Variants in CELF4 observed in about 807,000 individuals in gnomAD.
CELF4 encodes CUG-BP- and ETR-3-like factor 4.
In CELF4, 18 loss-of-function variants were observed where a neutral mutation model predicts 59.9. The observed-to-expected ratio is 0.30, with a 90% CI of 0.21 to 0.45. The LOEUF (loss-of-function observed/expected upper bound fraction) is 0.45. CELF4 is among the 20% of genes least tolerant of loss of function. CELF4 has a pLI of 1.00. For synonymous variants in CELF4, 261 were observed against 267.1 expected (o/e 0.98, Z 0.22); for missense variants, 456 against 689.0 (o/e 0.66, Z 3.79).
rs550813868 is a variant in CELF4 at position 37,445,383 on chromosome 18, A to G, written c.369+40142T>C. ...GGTGTTTCGGTAGGCTGAGTCCCTG[A>G]GTTGGGTTTGGGGTCTGCTGCTGAG... On this transcript the variant is annotated intron_variant, in intron 2 of 12. Transcript: ENST00000420428. 1.9e-4 allele frequency among the ~76,000 whole-genome samples: 28 copies of G among 151,238 alleles called. No homozygotes were observed. In the South Asian group the frequency reaches 5.7e-3, roughly 31 times the overall value.
intron 1 of CELF4, among the ~76,000 whole-genome samples, chr18:37,507,485 C>T (rs1217208435): frequency 6.6e-6 from 1 of 152,192 alleles, no homozygotes; most frequent in African/African-American, 2.4e-5. Context: ...GTCCTAAGGC[C>T]AGGTTCTGGT....
intron 2 of CELF4, among the ~76,000 whole-genome samples, chr18:37,404,969 A>G (rs1267736248): frequency 6.6e-6 from 1 of 152,092 alleles, no homozygotes; most frequent in African/African-American, 2.4e-5. Context: ...CCAAACAAAC[A>G]TTCCTTGTAA....
At chr18:37,537,655 T>G (rs2099974599) in intron 1 of CELF4, among the ~76,000 whole-genome samples, 1 of 152,232 alleles carries the variant, frequency 6.6e-6, no homozygotes, top group East Asian at 1.9e-4. Context: ...TGCTTCGCTG[T>G]AGGGGTTCAG....
At chr18:37,489,392 G>T (rs1395340597) in intron 1 of CELF4, among the ~76,000 whole-genome samples, 1 of 152,194 alleles carries the variant, frequency 6.6e-6, no homozygotes. Context: ...GCTGTGGATG[G>T]TGAGAGGCCT....
At chr18:37,523,297 G>T (rs2099959706) in intron 1 of CELF4, among the ~76,000 whole-genome samples, 1 of 152,186 alleles carries the variant, frequency 6.6e-6, no homozygotes. Context: ...TGCTCCCCCA[G>T]GTCTCTCTTG....
At chr18:37,491,367 A>G (rs1258837357) in intron 1 of CELF4, among the ~76,000 whole-genome samples, 1 of 152,218 alleles carries the variant, frequency 6.6e-6, no homozygotes, top group Non-Finnish European at 1.5e-5. Context: ...TGGCCGGCAC[A>G]CATGTTTCCT....
At chr18:37,406,384 C>T (rs903242406) in intron 2 of CELF4, among the ~76,000 whole-genome samples, 2 of 152,146 alleles carry the variant, frequency 1.3e-5, no homozygotes, top group African/African-American at 4.8e-5. Context: ...AAAAACATGC[C>T]TTCTACGGGA....
At chr18:37,511,574 A>G (rs935865816) in intron 1 of CELF4, among the ~76,000 whole-genome samples, 3 of 151,696 alleles carry the variant, frequency 2.0e-5, no homozygotes, top group Non-Finnish European at 2.9e-5. Flanking sequence ...TCACACTGCC[A>G]TTGACTACCC....
chr18:37,394,427 C>A (rs1268579734), intron 2 of CELF4, among the ~76,000 whole-genome samples: 1 of 152,190 alleles, frequency 6.6e-6, no homozygotes, highest in African/African-American at 2.4e-5. Flanking sequence ...CTTGGTCCAG[C>A]AGCCGGGCCT....
intron 2 of CELF4, among the ~76,000 whole-genome samples, chr18:37,377,619 G>A (rs941375495): frequency 1.3e-5 from 2 of 152,214 alleles, no homozygotes; most frequent in Admixed American, 6.5e-5. Context: ...AAATGAATGC[G>A]CACAGATCTG....
intron 2 of CELF4, among the ~76,000 whole-genome samples, chr18:37,411,750 G>C (rs1396835831): frequency 6.6e-6 from 1 of 152,228 alleles, no homozygotes; most frequent in Non-Finnish European, 1.5e-5. Context: ...TTATCGAGAA[G>C]GGCAGTGGCA....
rs1282969081 is a variant in CELF4 at position 37,245,570 on chromosome 18, T to C, written c.*45-373A>G. Among the ~76,000 whole-genome samples, 1 of 151,984 alleles carries C rather than the reference T, an allele frequency of 6.6e-6. No homozygotes were observed. Among genetic ancestry groups the C allele is most frequent in the Non-Finnish European group, 1.5e-5 (1 of 68,016 alleles). ...TTGTCTCTGAGGGATCTAGCCCAGA[T>C]ACAATATGTATACAGAAGCCTAGCA... On this transcript the variant is annotated intron_variant, in intron 12 of 12. Coordinates refer to ENST00000420428, the MANE Select transcript of CELF4 (RefSeq NM_020180.4). The surrounding 1 kb of genome is among the most constrained non-coding windows in gnomAD (Gnocchi z 4.1).
chr18:37,405,254 C>T (rs918602193), intron 2 of CELF4, among the ~76,000 whole-genome samples: 4 of 152,236 alleles, frequency 2.6e-5, no homozygotes, highest in African/African-American at 9.6e-5. Flanking sequence ...GGAATTGGGC[C>T]TCCCTGTGTG....
At chr18:37,510,678 T>C (rs2099943220) in intron 1 of CELF4, among the ~76,000 whole-genome samples, 1 of 152,232 alleles carries the variant, frequency 6.6e-6, no homozygotes, top group Non-Finnish European at 1.5e-5. Context: ...AGTTTCTCCC[T>C]GTAGGATGGT....
chr18:37,359,214 A>T (rs1308793201), intron 2 of CELF4, among the ~76,000 whole-genome samples: 2 of 152,226 alleles, frequency 1.3e-5, no homozygotes, highest in Non-Finnish European at 2.9e-5. Flanking sequence ...CAGGTCAGGC[A>T]CCCTGAAGAC....
intron 3 of CELF4, among the ~76,000 whole-genome samples, chr18:37,315,987 T>C (rs1161112435): frequency 2.0e-5 from 3 of 152,128 alleles, no homozygotes; most frequent in East Asian, 3.9e-4. Flanking sequence ...AGGAGGTACC[T>C]TGGTGGGGGA....
chr18:37,363,415 G>A (rs60476175), intron 2 of CELF4, among the ~76,000 whole-genome samples: 209 of 152,278 alleles, frequency 1.4e-3, no homozygotes, highest in African/African-American at 4.8e-3. Flanking sequence ...TCACGTGAGA[G>A]ACTTCTCAGG....
intron 2 of CELF4, among the ~76,000 whole-genome samples, chr18:37,451,538 T>C (rs577205843): frequency 6.6e-6 from 1 of 152,276 alleles, no homozygotes; most frequent in African/African-American, 2.4e-5. Context: ...CACATGTGTG[T>C]ATGTATGTGT....
At chr18:37,317,424 T>A (rs1337271196) in intron 3 of CELF4, among the ~76,000 whole-genome samples, 2 of 152,102 alleles carry the variant, frequency 1.3e-5, no homozygotes, top group Admixed American at 1.3e-4. Flanking sequence ...TTCCATAAAA[T>A]CCCTAACACT....
Sources: allele counts gnomAD v4.1 joint callset (sites outside exome capture counted in the v4.1 genomes callset), GRCh38; gene constraint gnomAD v4.1.1; non-coding constraint Gnocchi (gnomAD v3.1); transcripts MANE v1.5; gene names NCBI Gene and HGNC (gene_info 2026-07-23, HGNC 2026-07-21).